GDA: variants seen among roughly 807,000 people sequenced by gnomAD.
GDA encodes the protein guanine deaminase.
Under a neutral mutation model 59.6 loss-of-function variants are expected in GDA, and 18 were observed. That is an observed-to-expected ratio of 0.30 (90% CI 0.21 to 0.45). The LOEUF (loss-of-function observed/expected upper bound fraction) is 0.45, where lower values mean the gene tolerates loss of function less well. GDA is among the 20% of genes least tolerant of loss of function. The probability of loss-of-function intolerance (pLI) is 1.00; values close to 1 mark genes in which losing one functional copy is unlikely to be tolerated. For missense variants in GDA, 427 were observed against 552.3 expected (o/e 0.77, Z 2.27); for synonymous variants, 201 against 201.1 (o/e 1.00, Z 0.00).
intron 2 of GDA, among the ~76,000 whole-genome samples, chr9:72,196,205 G>T (rs1023360557): frequency 5.9e-5 from 9 of 151,924 alleles, no homozygotes; most frequent in African/African-American, 1.4e-4. Flanking sequence ...GGCCAGCCAG[G>T]CATGGTGTCT....
chr9:72,239,948 A>T (rs1839431764), intron 10 of GDA, among the ~76,000 whole-genome samples: 1 of 152,198 alleles, frequency 6.6e-6, no homozygotes, highest in African/African-American at 2.4e-5. Context: ...AGAGGCACTA[A>T]CAATTACATA....
chr9:72,213,802 CAA>C (rs200145454), intron 4 of GDA, 82 bp from the exon 5 acceptor site: 10,455 of 602,976 alleles, frequency 0.017, no homozygotes, highest in Middle Eastern at 0.02. Context: ...GACTCCGTCT[CAA>C]AAAAAAAAAA....
chr9:72,239,951 A>G (rs751848394), intron 10 of GDA, among the ~76,000 whole-genome samples: 7 of 152,184 alleles, frequency 4.6e-5, no homozygotes, highest in African/African-American at 7.2e-5. Flanking sequence ...GGCACTAACA[A>G]TTACATATGT....
chr9:72,148,461 G>A (rs1275824604), upstream of GDA, among the ~76,000 whole-genome samples: 3 of 152,112 alleles, frequency 2.0e-5, no homozygotes, highest in Non-Finnish European at 4.4e-5. Context: ...GAAACTGCTG[G>A]GAGTCCGGTG....
chr9:72,140,971 G>C (rs961324315), intron 1 of GDA, among the ~76,000 whole-genome samples: 5 of 152,162 alleles, frequency 3.3e-5, no homozygotes, highest in Non-Finnish European at 7.4e-5. Flanking sequence ...AGCCTTGTCT[G>C]AACTTACACA....
chr9:72,205,993 G>A (rs963016058), intron 3 of GDA, among the ~76,000 whole-genome samples: 1 of 152,184 alleles, frequency 6.6e-6, no homozygotes, highest in African/African-American at 2.4e-5. Flanking sequence ...AGTCAAGATT[G>A]TAGAAAGGTG....
At chr9:72,127,413 C>A (rs57541642) in intron 1 of GDA, among the ~76,000 whole-genome samples, 17,901 of 151,770 alleles carry the variant, frequency 0.12, 2,179 homozygotes, top group African/African-American at 0.31. Flanking sequence ...CGGAGGTGGG[C>A]GGATCATGAG....
At chr9:72,151,897 C>A (rs572987919) in intron 1 of GDA, among the ~76,000 whole-genome samples, 5 of 152,166 alleles carry the variant, frequency 3.3e-5, no homozygotes, top group South Asian at 2.1e-4. Context: ...GCCACCGCGC[C>A]GGCCAATGAT....
chr9:72,187,043 A>G (rs924626208), intron 1 of GDA, among the ~76,000 whole-genome samples: 1 of 152,192 alleles, frequency 6.6e-6, no homozygotes, highest in South Asian at 2.1e-4. Flanking sequence ...GCATTTTCAT[A>G]TACACTTAAT....
chr9:72,126,684 A>G (rs766517137), intron 1 of GDA, among the ~76,000 whole-genome samples: 30 of 149,600 alleles, frequency 2.0e-4, no homozygotes, highest in Non-Finnish European at 3.1e-4. Context: ...CTCCTACCTC[A>G]GCCTCCCAAG....
At chr9:72,218,234 T>G (rs540020563) in intron 5 of GDA, among the ~76,000 whole-genome samples, 217 of 152,322 alleles carry the variant, frequency 1.4e-3, no homozygotes, top group African/African-American at 5.1e-3. Context: ...TTTATTCTGT[T>G]CAACATCTAA....
rs1322170131 is a variant in GDA, at chr9:72,236,728, C to G, written c.989-4424C>G. 2.7e-5 allele frequency among the ~76,000 whole-genome samples: 4 copies of G among 150,926 alleles called. No individual in the cohort carries two copies. In the East Asian group the frequency reaches 8.0e-4, roughly 30 times the overall value. On this transcript the variant is annotated intron_variant, in intron 10 of 13. Coordinates refer to ENST00000358399, the MANE Select transcript of GDA (RefSeq NM_004293.5). ...CTGCTGGATCATTCCTGCTGGTACA[C>G]AAACATCTCTAGTATCTTCTTTTAA...
rs61752956 is a variant in GDA at position 72,225,752 on chromosome 9, G to A, written c.790G>A (p.Val264Met). ...CCCCAGTTATAAAAACTACACATCTGTGTATGATAAAAACAATCTTTTGAC... is the reference window on the plus strand; with the variant it reads ...CCCCAGTTATAAAAACTACACATCTATGTATGATAAAAACAATCTTTTGAC... ...LYPSYKNYTS[V>M]YDKNNLLTNK... Residue 264 changes from valine (V) to methionine (M), a missense_variant, in exon 8 of 14, where the codon GTG becomes ATG. Val to Met is a conservative substitution (Grantham distance 21). Transcript: ENST00000358399. 0.016 allele frequency: 24,544 copies of A among 1,489,602 alleles called. 236 individuals are homozygous for A. Among genetic ancestry groups the A allele is most frequent in the Non-Finnish European group, 0.02 (21,361 of 1,077,056 alleles). 92.3% of individuals were successfully genotyped at this position (1,489,602 alleles called of 1,614,324 possible).
chr9:72,172,990 A>G (rs932260339), intron 1 of GDA, among the ~76,000 whole-genome samples: 1 of 152,248 alleles, frequency 6.6e-6, no homozygotes, highest in Non-Finnish European at 1.5e-5. Context: ...ACTGCAAATT[A>G]TAACACAGTG....
At chr9:72,180,529 C>CTTT (rs1033003685) in intron 1 of GDA, among the ~76,000 whole-genome samples, 2 of 152,098 alleles carry the variant, frequency 1.3e-5, no homozygotes, top group Non-Finnish European at 2.9e-5. Context: ...AGAGTGAGTG[C>CTTT]TTTTCCTAAA....
downstream of GDA, among the ~76,000 whole-genome samples, chr9:72,259,084 G>A (rs989860542): frequency 6.0e-5 from 9 of 150,784 alleles, no homozygotes; most frequent in Non-Finnish European, 1.0e-4. Context: ...GAGTGCAGTG[G>A]TACGATCTCG....
rs762642151 is a variant in GDA at position 72,241,236 on chromosome 9, T to C, written c.1073T>C (p.Val358Ala). The change falls in exon 11 of 14, where the codon GTA becomes GCA. Residue 358 changes from valine (V) to alanine (A), a missense_variant. By Grantham distance (64) the Val-to-Ala change is moderately conservative (BLOSUM62 0). Transcript: ENST00000358399. Reference sequence around the variant, plus strand: ...TCCAATATCCTTTTAATTAATAAGGTAAATGAGAAAAGCCTCACCCTCAAA... The same window carrying C: ...TCCAATATCCTTTTAATTAATAAGGCAAATGAGAAAAGCCTCACCCTCAAA... ...MVSNILLINK[V>A]NEKSLTLKEV... 4 of 1,609,430 alleles carry C rather than the reference T, an allele frequency of 2.5e-6. No individual in the cohort carries two copies. Among genetic ancestry groups the C allele is most frequent in the South Asian group, 2.2e-5 (2 of 90,706 alleles).
chr9:72,258,783 C>A (rs1176009789), downstream of GDA, among the ~76,000 whole-genome samples: 2 of 152,164 alleles, frequency 1.3e-5, no homozygotes, highest in African/African-American at 4.8e-5. Flanking sequence ...CCAAAGGAAG[C>A]TTGGACTCGG....
intron 1 of GDA, among the ~76,000 whole-genome samples, chr9:72,122,634 T>TAC (rs112045510): frequency 0.49 from 72,772 of 147,262 alleles, 18,660 homozygotes; most frequent in Non-Finnish European, 0.6. Flanking sequence ...TGTATACATT[T>TAC]ACACACACAC....
Sources: allele counts gnomAD v4.1 joint callset (sites outside exome capture counted in the v4.1 genomes callset), GRCh38; gene constraint gnomAD v4.1.1; transcripts MANE v1.5; gene names NCBI Gene and HGNC (gene_info 2026-07-23, HGNC 2026-07-21).